The following CSMD1 variants were observed in gnomAD, a reference collection of about 807,000 sequenced individuals.
The protein encoded by CSMD1 is CUB and sushi domain-containing protein 1.
A neutral mutation model predicts 417.5 loss-of-function variants in CSMD1; 213 were observed. That is an observed-to-expected ratio of 0.51 (90% confidence interval 0.46 to 0.57). The LOEUF (loss-of-function observed/expected upper bound fraction) is 0.57, where lower values mean the gene tolerates loss of function less well. CSMD1 is among the 20% of genes least tolerant of loss of function. The probability of loss-of-function intolerance (pLI) is 0.00; values close to 1 mark genes in which losing one functional copy is unlikely to be tolerated. For synonymous variants in CSMD1, 2,862 were observed against 1,736.8 expected (o/e 1.65, Z -16.11); for missense variants, 6,923 against 4,529.7 (o/e 1.53, Z -15.17).
intron 57 of CSMD1, among the ~76,000 whole-genome samples, chr8:2,968,497 A>T (rs1324843646): frequency 6.6e-6 from 1 of 152,242 alleles, no homozygotes; most frequent in East Asian, 1.9e-4. Flanking sequence ...TTGTTAATGA[A>T]TGAGTACCAG....
At position 2,951,233 on chromosome 8, in the gene CSMD1, T is replaced by C. The variant is rs753943937; in HGVS notation, c.10082A>G (p.Tyr3361Cys). ...VFFVNSLWKG[Y>C]YEYLGKRQPA... ...TTGTCTTTTCCCTAAATATTCATAATACCCCTTCCACAGTGAATTGACGAA... is the reference window on the plus strand; with the variant it reads ...TTGTCTTTTCCCTAAATATTCATAACACCCCTTCCACAGTGAATTGACGAA... Residue 3361 changes from tyrosine to cysteine, a missense_variant, in exon 66 of 70, where the codon TAT (tyrosine) becomes TGT (cysteine). Coordinates refer to ENST00000635120, the MANE Select transcript of CSMD1 (RefSeq NM_033225.6). 6.2e-7 allele frequency: 1 copy of C among 1,608,208 alleles called. No homozygotes were observed. The highest frequency in any genetic ancestry group is 1.1e-5 in the South Asian group (1 of 90,134).
chr8:4,709,510 G>C (rs942704851), intron 1 of CSMD1, among the ~76,000 whole-genome samples: 2 of 152,200 alleles, frequency 1.3e-5, no homozygotes, highest in Non-Finnish European at 2.9e-5. Context: ...CCTTCCTCAG[G>C]CTGAGGGTAC....
chr8:4,981,803 T>C (rs1298645146), intron 1 of CSMD1, among the ~76,000 whole-genome samples: 1 of 152,106 alleles, frequency 6.6e-6, no homozygotes, highest in Non-Finnish European at 1.5e-5. Flanking sequence ...AAACTGACAG[T>C]GATAGGCTAC....
rs558368879 is a variant in CSMD1 at position 4,814,490 on chromosome 8, A to C, written c.86-176932T>G. On this transcript the variant is annotated intron_variant, in intron 1 of 69. Transcript: ENST00000635120. ...TCGAACTCCTAAAGTCAAGTGATCC[A>C]CCCACCTCGGCCTCCCAAAGCGCTG... Among the ~76,000 whole-genome samples, 171 of 152,304 alleles carry C rather than the reference A, an allele frequency of 1.1e-3. 2 individuals are homozygous for C. Among genetic ancestry groups the C allele is most frequent in the African/African-American group, 4.0e-3 (166 of 41,578 alleles).
chr8:3,977,012 T>A (rs1250072626), intron 5 of CSMD1, among the ~76,000 whole-genome samples: 1 of 152,178 alleles, frequency 6.6e-6, no homozygotes, highest in Non-Finnish European at 1.5e-5. Context: ...GGCGTGAAGG[T>A]GCCTGCAGGG....
chr8:4,799,786 T>C (rs1179995274), intron 1 of CSMD1, among the ~76,000 whole-genome samples: 3 of 151,876 alleles, frequency 2.0e-5, no homozygotes, highest in Admixed American at 6.6e-5. Context: ...GAATGTCTCT[T>C]TAAAAAAAAA....
intron 3 of CSMD1, among the ~76,000 whole-genome samples, chr8:4,258,929 C>G (rs1051602777): frequency 1.3e-5 from 2 of 152,152 alleles, no homozygotes; most frequent in Admixed American, 6.5e-5. Flanking sequence ...ATGTTATAGA[C>G]AAACTTATTT....
At chr8:4,047,219 T>A (rs989683673) in intron 3 of CSMD1, among the ~76,000 whole-genome samples, 2 of 152,134 alleles carry the variant, frequency 1.3e-5, no homozygotes, top group African/African-American at 2.4e-5. Flanking sequence ...TGTATTTCAG[T>A]CTGACTCTAG....
chr8:3,038,904 G>A (rs948149465), intron 50 of CSMD1, among the ~76,000 whole-genome samples: 2 of 152,140 alleles, frequency 1.3e-5, no homozygotes, highest in African/African-American at 4.8e-5. Flanking sequence ...CTTCATCATG[G>A]AGACAAGCCA....
chr8:4,439,308 T>C (rs969328009), intron 2 of CSMD1, among the ~76,000 whole-genome samples: 1 of 152,164 alleles, frequency 6.6e-6, no homozygotes, highest in Non-Finnish European at 1.5e-5. Context: ...CAAAATTACC[T>C]TGGTAATCAA....
intron 5 of CSMD1, among the ~76,000 whole-genome samples, chr8:3,875,025 C>A (rs78696974): frequency 1.3e-5 from 2 of 152,030 alleles, no homozygotes; most frequent in Non-Finnish European, 2.9e-5. Context: ...GATGCAAGCA[C>A]AAAGGCTGGC....
Position 2,973,960 on chromosome 8 carries a change from T to C in CSMD1, c.8740+491A>G, listed in dbSNP as rs986137993. Among the ~76,000 whole-genome samples, 10 of 137,890 alleles carry C rather than the reference T, an allele frequency of 7.3e-5. 1 individual carries two copies. The East Asian group carries it at 1.3e-3, about 18-fold the overall frequency. 90.5% of individuals were successfully genotyped at this position (137,890 alleles called of 152,430 possible). On this transcript the variant is annotated intron_variant, in intron 56 of 69. Coordinates refer to ENST00000635120, the MANE Select transcript of CSMD1 (RefSeq NM_033225.6). ...GGTAGAGGATGATGGTAGAGGATGATGGTAGAGGATGGTGGTAGAGGATGG... is the reference window on the plus strand; with the variant it reads ...GGTAGAGGATGATGGTAGAGGATGACGGTAGAGGATGGTGGTAGAGGATGG...
chr8:3,127,936 G>A (rs931442311), intron 41 of CSMD1: 10 of 108,678 alleles, frequency 9.2e-5, no homozygotes, highest in African/African-American at 3.4e-4. Flanking sequence ...GGAAGGAAGG[G>A]AAGGAAAGAA....
intron 1 of CSMD1, chr8:4,788,208 A>T (rs1324827612): frequency 6.3e-7 from 1 of 1,588,972 alleles, no homozygotes; most frequent in Non-Finnish European, 8.6e-7. Flanking sequence ...ACTTTGAGTA[A>T]CATCTGCGCA....
At chr8:3,864,466 GA>G (rs1228155232) in intron 5 of CSMD1, among the ~76,000 whole-genome samples, 1 of 152,146 alleles carries the variant, frequency 6.6e-6, no homozygotes, top group Non-Finnish European at 1.5e-5. Context: ...AAAGAGGGAG[GA>G]AGACACTTTT....
chr8:4,181,077 C>G (rs557498710), intron 3 of CSMD1, among the ~76,000 whole-genome samples: 17 of 152,104 alleles, frequency 1.1e-4, no homozygotes, highest in South Asian at 2.1e-4. Context: ...AATAGGACAA[C>G]AGACCTATTG....
chr8:4,020,569 G>C (rs1796739597), intron 4 of CSMD1, among the ~76,000 whole-genome samples: 1 of 152,174 alleles, frequency 6.6e-6, no homozygotes, highest in South Asian at 2.1e-4. Flanking sequence ...AGATGGAGAA[G>C]TCTGAGAAAG....
chr8:3,285,175 C>T (rs1012645397), intron 25 of CSMD1, among the ~76,000 whole-genome samples: 1 of 152,122 alleles, frequency 6.6e-6, no homozygotes, highest in African/African-American at 2.4e-5. Context: ...GGTAAAGTCA[C>T]AGTGGACGAC....
intron 52 of CSMD1, among the ~76,000 whole-genome samples, chr8:3,008,736 G>A (rs1489461358): frequency 6.6e-6 from 1 of 152,158 alleles, no homozygotes; most frequent in South Asian, 2.1e-4. Context: ...TATCCGTACT[G>A]TTTCTGCAAC....
Sources: allele counts gnomAD v4.1 joint callset (sites outside exome capture counted in the v4.1 genomes callset), GRCh38; gene constraint gnomAD v4.1.1; transcripts MANE v1.5; gene names NCBI Gene and HGNC (gene_info 2026-07-23, HGNC 2026-07-21).